Variants in TTC6 observed in about 807,000 individuals in gnomAD.
TTC6 encodes tetratricopeptide repeat protein 6.
Under a neutral mutation model 210.4 loss-of-function variants are expected in TTC6, and 172 were observed. That is an observed-to-expected ratio of 0.82 (90% CI 0.72 to 0.93). The LOEUF (loss-of-function observed/expected upper bound fraction) is 0.93. TTC6 is among the 40% of genes least tolerant of loss of function. The probability of loss-of-function intolerance (pLI) is 0.00; values close to 1 mark genes in which losing one functional copy is unlikely to be tolerated. For synonymous variants in TTC6, 804 were observed against 819.6 expected, an observed-to-expected ratio of 0.98 and a Z score of 0.32; for missense variants, 2,414 against 2,318.1, an observed-to-expected ratio of 1.04 and a Z score of -0.85.
chr14:37,636,154 C>T (rs1317504039), intron 1 of TTC6, among the ~76,000 whole-genome samples: 1 of 151,922 alleles, frequency 6.6e-6, no homozygotes, highest in Admixed American at 6.6e-5. Flanking sequence ...GAGAGATAGA[C>T]GAATTGAAAA....
At chr14:37,795,040 T>C (rs1391244463) in intron 17 of TTC6, among the ~76,000 whole-genome samples, 1 of 152,198 alleles carries the variant, frequency 6.6e-6, no homozygotes, top group Non-Finnish European at 1.5e-5. Context: ...TGTAGATATG[T>C]ATAATTATTA....
chr14:37,741,151 A>T (rs1035838876), intron 10 of TTC6, among the ~76,000 whole-genome samples: 8 of 152,120 alleles, frequency 5.3e-5, no homozygotes, highest in East Asian at 3.8e-4. Flanking sequence ...CTACCTTTTT[A>T]AAAAAATCTT....
chr14:37,674,781 A>G (rs1215648874), intron 1 of TTC6, among the ~76,000 whole-genome samples: 2 of 152,144 alleles, frequency 1.3e-5, no homozygotes, highest in Admixed American at 1.3e-4. Flanking sequence ...TGTTACCTCT[A>G]CATCGATTTG....
intron 1 of TTC6, among the ~76,000 whole-genome samples, chr14:37,603,998 T>C (rs1433036073): frequency 6.6e-6 from 1 of 152,074 alleles, no homozygotes; most frequent in Non-Finnish European, 1.5e-5. Context: ...AACAAAAAGA[T>C]CCCCCACAAT....
chr14:37,811,763 A>C (rs2096130074), intron 24 of TTC6, among the ~76,000 whole-genome samples: 1 of 152,208 alleles, frequency 6.6e-6, no homozygotes, highest in Non-Finnish European at 1.5e-5. Flanking sequence ...ATTTTGAGAT[A>C]GCTTTCCTAC....
chr14:37,649,897 T>C (rs2095708093), intron 1 of TTC6, among the ~76,000 whole-genome samples: 1 of 152,240 alleles, frequency 6.6e-6, no homozygotes, highest in Non-Finnish European at 1.5e-5. Context: ...TTTGAAACCC[T>C]TATGGAGTTT....
At chr14:37,751,932 T>G (rs1314965395) in intron 13 of TTC6, among the ~76,000 whole-genome samples, 1 of 151,042 alleles carries the variant, frequency 6.6e-6, no homozygotes, top group Non-Finnish European at 1.5e-5. Context: ...CACGCCATTC[T>G]CCTGCCTCAG....
chr14:37,624,544 A>T lies in TTC6; in HGVS notation c.939+1541A>T, dbSNP rs1040453026. On this transcript the variant is annotated intron_variant, in intron 1 of 30. Transcript: ENST00000553443. ...TTGACAGGCTCAAATGGACTTAGGGATATATGAAGAGAGACTATTAAATGA... is the reference window on the plus strand; with the variant it reads ...TTGACAGGCTCAAATGGACTTAGGGTTATATGAAGAGAGACTATTAAATGA... Among the ~76,000 whole-genome samples, 3 of 152,310 alleles carry T rather than the reference A, an allele frequency of 2.0e-5. No individual in the cohort carries two copies. In the South Asian group the frequency reaches 6.2e-4, roughly 32 times the overall value.
intron 27 of TTC6, among the ~76,000 whole-genome samples, chr14:37,825,150 A>G (rs565356598): frequency 2.0e-5 from 3 of 152,254 alleles, no homozygotes; most frequent in South Asian, 2.1e-4. Context: ...TTCCCTTACT[A>G]TTTGCCTAGC....
At chr14:37,745,465 G>T (rs566201443) in intron 10 of TTC6, among the ~76,000 whole-genome samples, 1 of 151,968 alleles carries the variant, frequency 6.6e-6, no homozygotes, top group Non-Finnish European at 1.5e-5. Context: ...ATGTGAGATG[G>T]GATGAGGACA....
intron 10 of TTC6, among the ~76,000 whole-genome samples, chr14:37,744,957 A>C (rs1039177905): frequency 6.6e-6 from 1 of 152,056 alleles, no homozygotes; most frequent in African/African-American, 2.4e-5. Flanking sequence ...AGATTTTAGA[A>C]ATAGGGACAA....
chr14:37,604,294 A>G (rs1025930259), intron 1 of TTC6, among the ~76,000 whole-genome samples: 1 of 152,180 alleles, frequency 6.6e-6, no homozygotes, highest in African/African-American at 2.4e-5. Flanking sequence ...ATGACAAAAG[A>G]AAAGCACCAT....
chr14:37,620,514 C>T (rs547105760), upstream of TTC6, among the ~76,000 whole-genome samples: 8 of 152,128 alleles, frequency 5.3e-5, no homozygotes, highest in Non-Finnish European at 1.2e-4. Flanking sequence ...TTGCCCCTCC[C>T]GCCTCACACA....
At chr14:37,701,646 C>T (rs565935200) in intron 5 of TTC6, 120 bp downstream of exon 7, 156 of 972,810 alleles carry the variant, frequency 1.6e-4, no homozygotes, top group Non-Finnish European at 2.2e-4. Flanking sequence ...GAGGAGGGAG[C>T]AGTTTTTGTT....
intron 14 of TTC6, among the ~76,000 whole-genome samples, chr14:37,782,379 C>T (rs1027936762): frequency 6.6e-6 from 1 of 152,118 alleles, no homozygotes; most frequent in African/African-American, 2.4e-5. Flanking sequence ...ATTTTATTCT[C>T]TTTGAAGCAA....
rs2095773259 is a variant in TTC6, at chr14:37,677,685, A to T, written c.940-2466A>T. 3.3e-5 allele frequency among the ~76,000 whole-genome samples: 5 copies of T among 151,754 alleles called. No individual in the cohort carries two copies. The South Asian group carries it at 1.0e-3, about 32-fold the overall frequency. On this transcript the variant is annotated intron_variant, in intron 1 of 30. Transcript: ENST00000553443. ...ATATCCCTTTCTGGAACCCCAATTA[A>T]ATATATGTTAGACTGAGTATTTGTT...
At chr14:37,699,887 A>G (rs373667340) in intron 4 of TTC6, among the ~76,000 whole-genome samples, 8 of 152,170 alleles carry the variant, frequency 5.3e-5, no homozygotes, top group East Asian at 1.9e-4. Flanking sequence ...GATTTTTCCA[A>G]TGTACAAAGA....
intron 6 of TTC6, among the ~76,000 whole-genome samples, chr14:37,715,215 T>C (rs958391150): frequency 7.9e-5 from 12 of 152,224 alleles, no homozygotes; most frequent in African/African-American, 2.6e-4. Context: ...ATGTGAGTTA[T>C]ATCTATTAAC....
intron 7 of TTC6, among the ~76,000 whole-genome samples, chr14:37,732,356 G>C (rs1454463523): frequency 1.3e-5 from 2 of 150,034 alleles, no homozygotes; most frequent in Non-Finnish European, 3.0e-5. Context: ...CTAATTTTTC[G>C]TATTTTTTAG....
Sources: gnomAD v4.1 joint callset for allele counts (sites outside exome capture counted in the v4.1 genomes callset) on GRCh38, gnomAD v4.1.1 for gene constraint, MANE v1.5 for transcripts, NCBI Gene and HGNC (gene_info 2026-07-23, HGNC 2026-07-21) for gene names.